MED7: variants seen among roughly 807,000 people sequenced by gnomAD.
MED7 encodes the protein mediator complex subunit 7.
In MED7, 7 loss-of-function variants were observed where a neutral mutation model predicts 16.6. The ratio of observed to expected loss-of-function variants is 0.42; its 90% CI spans 0.24 to 0.79. MED7 has a LOEUF of 0.79. MED7 is among the 30% of genes least tolerant of loss of function. The pLI is 0.27. For missense variants in MED7, 240 were observed against 286.3 expected, an observed-to-expected ratio of 0.84 and a Z score of 1.17; for synonymous variants, 88 against 90.5, an observed-to-expected ratio of 0.97 and a Z score of 0.16.
intron 1 of MED7, among the ~76,000 whole-genome samples, chr5:157,139,982 T>C (rs184219289): frequency 3.9e-5 from 6 of 152,360 alleles, no homozygotes; most frequent in Admixed American, 3.3e-4. Flanking sequence ...TGTCACAGTA[T>C]ACTATGCAAT....
rs762631052 is a variant in MED7, at chr5:157,137,510, C to A, written c.*1220G>T. 1 of 152,170 alleles carries A rather than the reference C, an allele frequency of 6.6e-6. No homozygotes were observed. The highest frequency in any genetic ancestry group is 2.1e-4 in the South Asian group (1 of 4,830). 9.4% of individuals were successfully genotyped at this position (152,170 alleles called of 1,614,324 possible). A position where few individuals can be genotyped will look rare whatever the true frequency, so the allele number is the denominator to read the frequency against. On this transcript the variant is annotated 3_prime_UTR_variant, in exon 2 of 2. Coordinates refer to ENST00000286317, the MANE Select transcript of MED7 (RefSeq NM_004270.5). ...TGATACCAATGCTGCTGGTCCAGGA[C>A]CACACACTTTAAGAACCACGGGCCT...
chr5:157,139,668 T>C (rs1327738293), intron 1 of MED7, among the ~76,000 whole-genome samples: 1 of 149,128 alleles, frequency 6.7e-6, no homozygotes, highest in African/African-American at 2.5e-5. Flanking sequence ...CCATTCTCTC[T>C]CTAATAATTT....
chr5:157,141,642 GCAGTGGTAC>G (rs1268330190), intron 1 of MED7, among the ~76,000 whole-genome samples: 2 of 152,120 alleles, frequency 1.3e-5, no homozygotes, highest in Non-Finnish European at 2.9e-5. Flanking sequence ...AGGCTGGAGT[GCAGTGGTAC>G]CATCAGGGCT....
At position 157,138,627 on chromosome 5, in the gene MED7, G is replaced by A; in HGVS notation, c.*103C>T. The A allele has an allele frequency of 9.9e-7, 1 of 1,013,540 alleles. No homozygotes were observed. The highest frequency in any genetic ancestry group is 1.4e-6 in the Non-Finnish European group (1 of 700,160). The allele number at this position is 1,013,540 out of a possible 1,614,324, so 62.8% of individuals were successfully genotyped here. A position where few individuals can be genotyped will look rare whatever the true frequency, so the allele number is the denominator to read the frequency against. The stretch of plus-strand genomic sequence containing the variant: ...TGAAAAATTTGGAGTCAAGATTAAA[G>A]CTGTTTACATTTTTAGTGAAACTTC... On this transcript the variant is annotated 3_prime_UTR_variant, in exon 2 of 2. Coordinates refer to ENST00000286317, the MANE Select transcript of MED7 (RefSeq NM_004270.5).
chr5:157,139,452 T>G lies in MED7; in HGVS notation c.-17-4A>C. On this transcript the variant is annotated splice_polypyrimidine_tract_variant and splice_region_variant and intron_variant, in intron 1 of 1. Coordinates refer to ENST00000286317, the MANE Select transcript of MED7 (RefSeq NM_004270.5). ...CCCATTGTGGACTATCAAGAACCTA[T>G]GGACACAGACCAAAGATTTATTAGA... 3 of 1,488,588 alleles carry G rather than the reference T, an allele frequency of 2.0e-6. No individual in the cohort carries two copies. Among genetic ancestry groups the G allele is most frequent in the South Asian group, 1.4e-5 (1 of 70,784 alleles). 92.2% of individuals were successfully genotyped at this position (1,488,588 alleles called of 1,614,324 possible).
At chr5:157,140,029 G>A (rs1349007106) in intron 1 of MED7, among the ~76,000 whole-genome samples, 2 of 152,058 alleles carry the variant, frequency 1.3e-5, no homozygotes, top group African/African-American at 2.4e-5. Context: ...TGTTTTTTGA[G>A]ATGGAGTCTT....
At chr5:157,140,772 G>A (rs552751180) in intron 1 of MED7, among the ~76,000 whole-genome samples, 24 of 151,430 alleles carry the variant, frequency 1.6e-4, no homozygotes, top group Non-Finnish European at 2.7e-4. Context: ...AAACTCCTGA[G>A]CTCAAGCAAT....
chr5:157,142,827 C>G lies in MED7; in HGVS notation c.-25G>C, dbSNP rs1044459917. 1 of 152,478 alleles carries G rather than the reference C, an allele frequency of 6.6e-6. No individual in the cohort carries two copies. The highest frequency in any genetic ancestry group is 1.9e-4 in the East Asian group (1 of 5,206). The allele number at this position is 152,478 out of a possible 1,614,324, so 9.4% of individuals were successfully genotyped here. On this transcript the variant is annotated 5_prime_UTR_variant, in exon 1 of 2. Coordinates refer to ENST00000286317, the MANE Select transcript of MED7 (RefSeq NM_004270.5). ...CCGTTGCCGCCCACTTACCTCAGCTCTGGCTTTACACTGGTAGCCGCCTTC... is the reference window on the plus strand; with the variant it reads ...CCGTTGCCGCCCACTTACCTCAGCTGTGGCTTTACACTGGTAGCCGCCTTC...
At chr5:157,141,064 G>T (rs1005174300) in intron 1 of MED7, among the ~76,000 whole-genome samples, 8 of 150,842 alleles carry the variant, frequency 5.3e-5, no homozygotes, top group Non-Finnish European at 1.0e-4. Context: ...AATTAACAGT[G>T]ATCTGGTACT....
chr5:157,142,862 GCCGAAA>G (rs1243247247), exon 1 of MED7: 3 of 152,306 alleles, frequency 2.0e-5, no homozygotes, highest in African/African-American at 7.2e-5. Flanking sequence ...CCCCTCTGCA[GCCGAAA>G]CCAACTTCCG....
chr5:157,137,999 A>AGAGACTGCC lies in MED7; in HGVS notation c.*730_*731insGGCAGTCTC, dbSNP rs1448819070. The AGAGACTGCC allele has an allele frequency of 3.3e-5, 5 of 152,216 alleles. No individual in the cohort carries two copies. Among genetic ancestry groups the AGAGACTGCC allele is most frequent in the Admixed American group, 6.5e-5 (1 of 15,280 alleles). 9.4% of individuals were successfully genotyped at this position (152,216 alleles called of 1,614,324 possible). A position where few individuals can be genotyped will look rare whatever the true frequency, so the allele number is the denominator to read the frequency against. On this transcript the variant is annotated 3_prime_UTR_variant, in exon 2 of 2. Transcript: ENST00000286317. ...AGACACCTAGCAGTCTCTGCCATCA[A>AGAGACTGCC]ACCCCTTTCCCATTGTGGACTTAAA...
rs1757664926 is a variant in MED7 at position 157,138,178 on chromosome 5, T to C, written c.*552A>G. On this transcript the variant is annotated 3_prime_UTR_variant, in exon 2 of 2. Coordinates refer to ENST00000286317, the MANE Select transcript of MED7 (RefSeq NM_004270.5). Reference sequence around the variant, plus strand: ...AATTTATGGGACTTCCCTGCAAGAGTCCATTCAGGATAGGGAGAAAAGACT... The same window carrying C: ...AATTTATGGGACTTCCCTGCAAGAGCCCATTCAGGATAGGGAGAAAAGACT... The C allele has an allele frequency of 6.6e-6, 1 of 151,918 alleles. No homozygotes were observed. The highest frequency in any genetic ancestry group is 2.4e-5 in the African/African-American group (1 of 41,308). 9.4% of individuals were successfully genotyped at this position (151,918 alleles called of 1,614,324 possible).
At position 157,138,384 on chromosome 5, in the gene MED7, A is replaced by G. The variant is rs1441683490; in HGVS notation, c.*346T>C. On this transcript the variant is annotated 3_prime_UTR_variant, in exon 2 of 2. Coordinates refer to ENST00000286317, the MANE Select transcript of MED7 (RefSeq NM_004270.5). ...TAGAGAGCTTAATATCCATTTATCT[A>G]TCATTCTTAAAGCAAATGCTAAATC... The G allele has an allele frequency of 2.6e-5, 5 of 191,442 alleles. No individual in the cohort carries two copies. The highest frequency in any genetic ancestry group is 9.3e-5 in the African/African-American group (4 of 42,808). 11.9% of individuals were successfully genotyped at this position (191,442 alleles called of 1,614,324 possible).
Position 157,138,714 on chromosome 5 carries a change from G to A in MED7, c.*16C>T. On this transcript the variant is annotated 3_prime_UTR_variant, in exon 2 of 2. Transcript: ENST00000286317. ...GATGCTATTATCAAAAGGAAAAAAA[G>A]AAAAAGAAACATCTTTCATGGTCTT... The A allele has an allele frequency of 6.4e-7, 1 of 1,556,050 alleles. No individual in the cohort carries two copies. Among genetic ancestry groups the A allele is most frequent in the South Asian group, 1.2e-5 (1 of 82,076 alleles).
chr5:157,139,240 G>A lies in MED7; in HGVS notation c.192C>T (p.Ile64=), dbSNP rs1327990645. ...LIIRPLESQG[I]ERLHPMQFDH... ...CAAACTGCATAGGATGAAGCCGTTC[G>A]ATGCCCTGACTTTCCAAAGGGCGGA... The change falls in exon 2 of 2, where the codon ATC becomes ATT. Residue 64 remains isoleucine (I), a synonymous_variant. Coordinates refer to ENST00000286317, the MANE Select transcript of MED7 (RefSeq NM_004270.5). 6 of 1,613,836 alleles carry A rather than the reference G, an allele frequency of 3.7e-6. No individual in the cohort carries two copies. Among genetic ancestry groups the A allele is most frequent in the East Asian group, 2.2e-5 (1 of 44,896 alleles).
intron 1 of MED7, 56 bp from the exon 2 acceptor site, chr5:157,139,504 A>G: frequency 9.8e-7 from 1 of 1,015,696 alleles, no homozygotes. Flanking sequence ...GTTACATTTC[A>G]TAACTACAGA....
chr5:157,137,661 G>A lies in MED7; in HGVS notation c.*1069C>T, dbSNP rs1757655547. ...AAAGTGCTCATATAAAGTCCAATTA[G>A]CTAGGGGCAGAGTGGAGTTACTGAA... On this transcript the variant is annotated 3_prime_UTR_variant, in exon 2 of 2. Transcript: ENST00000286317. 6.6e-6 allele frequency: 1 copy of A among 152,322 alleles called. No individual in the cohort carries two copies. The highest frequency in any genetic ancestry group is 6.5e-5 in the Admixed American group (1 of 15,274). The allele number at this position is 152,322 out of a possible 1,614,324, so 9.4% of individuals were successfully genotyped here.
chr5:157,139,282 T>C lies in MED7; in HGVS notation c.150A>G (p.Gln50=), dbSNP rs757092515. 35 of 1,614,202 alleles carry C rather than the reference T, an allele frequency of 2.2e-5. No individual in the cohort carries two copies. Among genetic ancestry groups the C allele is most frequent in the Non-Finnish European group, 2.8e-5 (33 of 1,180,044 alleles). ...AAGGGCGGATGATAAGATCATCACA[T>C]TGGAACTGATTGCCAAACATCATGT... The part of the protein sequence containing the change: ...DSYMMFGNQF[Q]CDDLIIRPLE... The change falls in exon 2 of 2, where the codon CAA becomes CAG. Residue 50 remains glutamine (Q), a synonymous_variant. Coordinates refer to ENST00000286317, the MANE Select transcript of MED7 (RefSeq NM_004270.5).
At chr5:157,141,149 C>T (rs967929013) in intron 1 of MED7, among the ~76,000 whole-genome samples, 25 of 152,100 alleles carry the variant, frequency 1.6e-4, no homozygotes, top group African/African-American at 5.5e-4. Flanking sequence ...GGCACGATCT[C>T]GGCTCACTGC....
Sources: gnomAD v4.1 joint callset for allele counts (sites outside exome capture counted in the v4.1 genomes callset) on GRCh38, gnomAD v4.1.1 for gene constraint, MANE v1.5 for transcripts, NCBI Gene and HGNC (gene_info 2026-07-23, HGNC 2026-07-21) for gene names.